Variants in SOCS7 observed in about 807,000 individuals in gnomAD.
SOCS7 encodes NAP-4.
Under a neutral mutation model 58.9 loss-of-function variants are expected in SOCS7, and 18 were observed. That is an observed-to-expected ratio of 0.31 (90% CI 0.21 to 0.45). The LOEUF is 0.45. Among genes scored for constraint, SOCS7 ranks in the 20% least tolerant of loss-of-function variants. The pLI is 1.00. For synonymous variants in SOCS7, 388 were observed against 364.3 expected (o/e 1.06, Z -0.74); for missense variants, 667 against 837.3 (o/e 0.80, Z 2.51).
intron 2 of SOCS7, among the ~76,000 whole-genome samples, chr17:38,362,404 A>C (rs1041592063): frequency 6.6e-6 from 1 of 152,202 alleles, no homozygotes; most frequent in Non-Finnish European, 1.5e-5. Flanking sequence ...TTTTTCAGAG[A>C]GGGAGACCTT....
intron 9 of SOCS7, among the ~76,000 whole-genome samples, chr17:38,397,929 A>G (rs2038265508): frequency 6.6e-6 from 1 of 152,088 alleles, no homozygotes; most frequent in Non-Finnish European, 1.5e-5. Context: ...ATACCCAAAT[A>G]TCAAGGAGCC....
chr17:38,373,074 C>T (rs2037888230), intron 6 of SOCS7, among the ~76,000 whole-genome samples: 2 of 150,786 alleles, frequency 1.3e-5, no homozygotes, highest in Admixed American at 1.3e-4. Context: ...CCATTGCACT[C>T]CAGCCTGGGC....
Position 38,402,603 on chromosome 17 carries a change from G to C in SOCS7, c.*3121G>C, listed in dbSNP as rs763016423. Reference sequence around the variant, plus strand: ...AAATTAGCTGGGCATGGTGGCATGCGCCTGTAGTCCCAGCTACTTGGGAGG... The same window carrying C: ...AAATTAGCTGGGCATGGTGGCATGCCCCTGTAGTCCCAGCTACTTGGGAGG... On this transcript the variant is annotated 3_prime_UTR_variant, in exon 10 of 10. Transcript: ENST00000612932. 6.6e-6 allele frequency: 1 copy of C among 152,242 alleles called. No individual in the cohort carries two copies. Among genetic ancestry groups the C allele is most frequent in the Non-Finnish European group, 1.5e-5 (1 of 68,108 alleles). 9.4% of individuals were successfully genotyped at this position (152,242 alleles called of 1,614,324 possible). A position where few individuals can be genotyped will look rare whatever the true frequency, so the allele number is the denominator to read the frequency against.
At chr17:38,391,248 T>C (rs2038170050) in intron 7 of SOCS7, among the ~76,000 whole-genome samples, 1 of 152,188 alleles carries the variant, frequency 6.6e-6, no homozygotes, top group African/African-American at 2.4e-5. Context: ...AAAGGTCAAA[T>C]AGTGCGCAAG....
At chr17:38,390,190 A>G (rs751786830) in intron 7 of SOCS7, among the ~76,000 whole-genome samples, 11 of 151,970 alleles carry the variant, frequency 7.2e-5, no homozygotes, top group Non-Finnish European at 1.3e-4. Context: ...CTCTTTCCCC[A>G]TTGAATTGTC....
At chr17:38,372,049 T>C (rs2037875272) in intron 6 of SOCS7, among the ~76,000 whole-genome samples, 1 of 152,128 alleles carries the variant, frequency 6.6e-6, no homozygotes, top group South Asian at 2.1e-4. Context: ...CTCTAAGAAG[T>C]ATATATAGTT....
rs577455691 is a variant in SOCS7, at chr17:38,398,304, G to A, written c.*31-1209G>A. On this transcript the variant is annotated intron_variant, in intron 9 of 9. Coordinates refer to ENST00000612932, the MANE Select transcript of SOCS7 (RefSeq NM_014598.4). ...GTTGCCCGGGCTGGAGTGCAATGGC[G>A]TGATCTTGGCTCACTGCAACCTCCA... is the stretch of plus-strand genomic sequence containing the variant. Among the ~76,000 whole-genome samples, 145 of 149,658 alleles carry A rather than the reference G, an allele frequency of 9.7e-4. 2 individuals carry two copies. Among genetic ancestry groups the A allele is most frequent in the Non-Finnish European group, 1.5e-3 (103 of 67,556 alleles).
At chr17:38,364,926 G>A in intron 3 of SOCS7, 70 bp downstream of exon 3, 1 of 1,208,160 alleles carries the variant, frequency 8.3e-7, no homozygotes, top group Admixed American at 2.0e-5. Flanking sequence ...GTTCTTTGCT[G>A]GGGGCCGACC....
chr17:38,395,738 G>C, intron 8 of SOCS7, 110 bp from the exon 9 acceptor site: 1 of 1,106,820 alleles, frequency 9.0e-7, no homozygotes, highest in South Asian at 1.3e-5. Context: ...AATGGGGATT[G>C]TGTTAGGTCT....
At chr17:38,366,109 C>A in intron 4 of SOCS7, 178 bp from the exon 5 acceptor site, 2 of 1,257,292 alleles carry the variant, frequency 1.6e-6, no homozygotes, top group Non-Finnish European at 2.1e-6. Flanking sequence ...CACAAGCCCA[C>A]ACAGCTTTTT....
At chr17:38,361,007 T>A (rs587717904) in intron 1 of SOCS7, among the ~76,000 whole-genome samples, 8 of 152,332 alleles carry the variant, frequency 5.3e-5, no homozygotes, top group Admixed American at 3.9e-4. Flanking sequence ...TTATCTTTGG[T>A]ATATTAACCA....
At chr17:38,358,770 C>G (rs1409917241) in intron 1 of SOCS7, among the ~76,000 whole-genome samples, 1 of 152,142 alleles carries the variant, frequency 6.6e-6, no homozygotes, top group Non-Finnish European at 1.5e-5. Flanking sequence ...TTTTACCTTT[C>G]CAAGCATCCA....
rs776516873 is a variant in SOCS7 at position 38,377,855 on chromosome 17, T to A, written c.1681+13T>A. On this transcript the variant is annotated intron_variant, in intron 7 of 9. Transcript: ENST00000612932. ...TCCAGGGTTCCAGGTAAGGCTGTAC[T>A]TCTGTTAATTATTTAACTTAAGTTG... 29 of 1,606,678 alleles carry A rather than the reference T, an allele frequency of 1.8e-5. 1 individual carries two copies. In the South Asian group the frequency reaches 3.1e-4, roughly 17 times the overall value.
At chr17:38,359,729 T>A (rs1266680234) in intron 1 of SOCS7, among the ~76,000 whole-genome samples, 1 of 150,556 alleles carries the variant, frequency 6.6e-6, no homozygotes, top group Non-Finnish European at 1.5e-5. Context: ...TCTTTAAGTC[T>A]GTTTTACTGT....
At chr17:38,387,102 A>AATATATAT (rs71368482) in intron 7 of SOCS7, among the ~76,000 whole-genome samples, 9 of 51,134 alleles carry the variant, frequency 1.8e-4, no homozygotes, top group African/African-American at 3.9e-4. Context: ...AAAAAAAAAA[A>AATATATAT]ATATATATAT....
rs2037724882 is a variant in SOCS7, at chr17:38,361,879, T to C, written c.1045+104T>C. 6 of 785,104 alleles carry C rather than the reference T, an allele frequency of 7.6e-6. 1 individual carries two copies. The South Asian group carries it at 1.0e-4, about 13-fold the overall frequency. 48.6% of individuals were successfully genotyped at this position (785,104 alleles called of 1,614,324 possible). On this transcript the variant is annotated intron_variant, in intron 2 of 9. Transcript: ENST00000612932. ...CATCACAGGGAGCTGTAGGCGTGTCTGCAGTTATTTCCTTCATTCCATGCT... is the reference window on the plus strand; with the variant it reads ...CATCACAGGGAGCTGTAGGCGTGTCCGCAGTTATTTCCTTCATTCCATGCT...
At chr17:38,365,922 A>AG in intron 4 of SOCS7, 1 of 981,624 alleles carries the variant, frequency 1.0e-6, no homozygotes, top group Non-Finnish European at 1.2e-6. Flanking sequence ...CTTCCTGGGC[A>AG]AGTAAGCGAG....
intron 6 of SOCS7, among the ~76,000 whole-genome samples, chr17:38,374,470 G>A (rs2037906925): frequency 1.3e-5 from 2 of 152,150 alleles, no homozygotes; most frequent in African/African-American, 4.8e-5. Flanking sequence ...TCATGCCACT[G>A]CACTCCAGCC....
At chr17:38,382,300 T>A (rs928921531) in intron 7 of SOCS7, among the ~76,000 whole-genome samples, 7 of 151,624 alleles carry the variant, frequency 4.6e-5, no homozygotes. Flanking sequence ...TAGCCACATG[T>A]GATGGTGTGT....
Sources: allele counts gnomAD v4.1 joint callset (sites outside exome capture counted in the v4.1 genomes callset), GRCh38; gene constraint gnomAD v4.1.1; transcripts MANE v1.5; gene names NCBI Gene and HGNC (gene_info 2026-07-23, HGNC 2026-07-21).